SLC30A7: variants seen among roughly 807,000 people sequenced by gnomAD.
The protein encoded by SLC30A7 is zinc transporter 7.
A neutral mutation model predicts 46.0 loss-of-function variants in SLC30A7; 35 were observed. That is an observed-to-expected ratio of 0.76 (90% CI 0.58 to 1.01). The LOEUF (loss-of-function observed/expected upper bound fraction) is 1.01. Among genes scored for constraint, SLC30A7 ranks in the 50% least tolerant of loss-of-function variants. The pLI, the probability that SLC30A7 is intolerant of heterozygous loss-of-function variation, is 0.00. For synonymous variants in SLC30A7, 147 were observed against 157.8 expected (o/e 0.93, Z 0.51); for missense variants, 464 against 451.1 (o/e 1.03, Z -0.26).
intron 3 of SLC30A7, among the ~76,000 whole-genome samples, chr1:100,909,999 C>T (rs1253166276): frequency 3.3e-5 from 5 of 151,942 alleles, no homozygotes; most frequent in Admixed American, 1.3e-4. Context: ...ACAAGTAATA[C>T]GTTATTTGGA....
chr1:100,914,863 C>T (rs983322499), intron 6 of SLC30A7, among the ~76,000 whole-genome samples: 3 of 151,748 alleles, frequency 2.0e-5, no homozygotes, highest in African/African-American at 4.8e-5. Context: ...ACCCAGGAGG[C>T]GGAGGTTGCA....
At chr1:100,939,496 CAG>C (rs1468630680) in intron 8 of SLC30A7, among the ~76,000 whole-genome samples, 2 of 151,944 alleles carry the variant, frequency 1.3e-5, no homozygotes, top group African/African-American at 4.8e-5. Flanking sequence ...TTAAAAAACA[CAG>C]AAGTCGACTC....
At chr1:100,992,559 A>C in the SLC30A7 span, 1 of 981,010 alleles carries the variant, frequency 1.0e-6, no homozygotes, top group Non-Finnish European at 1.6e-6. Flanking sequence ...CCATAGTGGT[A>C]TGAGATATTA....
intron 8 of SLC30A7, among the ~76,000 whole-genome samples, chr1:100,937,682 G>A (rs987974039): frequency 2.6e-5 from 4 of 152,046 alleles, no homozygotes; most frequent in African/African-American, 9.7e-5. Context: ...TGAATTGTGG[G>A]TGTTCTTTAT....
chr1:100,907,855 G>A (rs1651781047), intron 3 of SLC30A7, among the ~76,000 whole-genome samples: 1 of 151,508 alleles, frequency 6.6e-6, no homozygotes, highest in Non-Finnish European at 1.5e-5. Flanking sequence ...TCCTTCTCTT[G>A]TCTTTGCTTC....
intron 8 of SLC30A7, among the ~76,000 whole-genome samples, chr1:100,950,342 G>A (rs544940189): frequency 2.6e-5 from 4 of 152,286 alleles, no homozygotes; most frequent in Admixed American, 2.6e-4. Flanking sequence ...TATTCTCACA[G>A]TGTTATTTAA....
At chr1:100,964,865 T>C (rs1402405130) in intron 9 of SLC30A7, among the ~76,000 whole-genome samples, 2 of 152,172 alleles carry the variant, frequency 1.3e-5, no homozygotes, top group African/African-American at 4.8e-5. Flanking sequence ...GAAGAAAAAG[T>C]ACACCTTGAT....
intron 3 of SLC30A7, among the ~76,000 whole-genome samples, chr1:100,909,378 A>G (rs1651929547): frequency 6.6e-6 from 1 of 152,154 alleles, no homozygotes; most frequent in South Asian, 2.1e-4. Flanking sequence ...TATTTTTTAA[A>G]GAGCAAAGAC....
chr1:100,921,305 T>C (rs1162108361), intron 7 of SLC30A7, among the ~76,000 whole-genome samples: 3 of 152,140 alleles, frequency 2.0e-5, no homozygotes, highest in African/African-American at 4.8e-5. Context: ...TGTATGTACG[T>C]ATATCTATAG....
rs77843176 is a variant in SLC30A7, at chr1:100,929,408, G to T, written c.842+7567G>T. Among the ~76,000 whole-genome samples, 124 of 152,116 alleles carry T rather than the reference G, an allele frequency of 8.2e-4. 3 individuals are homozygous for T. In the East Asian group the frequency reaches 0.018, roughly 22 times the overall value. On this transcript the variant is annotated intron_variant, in intron 8 of 10. Coordinates refer to ENST00000357650, the MANE Select transcript of SLC30A7 (RefSeq NM_133496.5). ...ATGTACACCTGATAAAGAACTATTT[G>T]CAAGGAGATCACTCTGAGATGTTTT...
chr1:100,929,177 T>G (rs1653514338), intron 8 of SLC30A7, among the ~76,000 whole-genome samples: 2 of 152,052 alleles, frequency 1.3e-5, no homozygotes, highest in Admixed American at 6.6e-5. Flanking sequence ...TTTCCCAGAA[T>G]GTTAATTGGC....
chr1:100,905,642 CT>C (rs1477254565), intron 2 of SLC30A7, among the ~76,000 whole-genome samples: 5 of 152,002 alleles, frequency 3.3e-5, no homozygotes, highest in African/African-American at 1.2e-4. Flanking sequence ...TGTTTAACTT[CT>C]TTTGACCTAA....
chr1:100,900,375 G>C (rs944656635), intron 2 of SLC30A7, among the ~76,000 whole-genome samples: 1 of 152,116 alleles, frequency 6.6e-6, no homozygotes, highest in African/African-American at 2.4e-5. Flanking sequence ...ACATTTATTT[G>C]GTTCTACTTC....
At chr1:100,973,001 A>G (rs983623404) in intron 10 of SLC30A7, among the ~76,000 whole-genome samples, 6 of 151,854 alleles carry the variant, frequency 4.0e-5, no homozygotes, top group Non-Finnish European at 8.8e-5. Flanking sequence ...TGAGGAGAGG[A>G]TGCTATTAAA....
chr1:100,945,242 T>G (rs1365308628), intron 8 of SLC30A7, among the ~76,000 whole-genome samples: 1 of 152,230 alleles, frequency 6.6e-6, no homozygotes, highest in East Asian at 1.9e-4. Flanking sequence ...AGGTTGCCTG[T>G]TCACTCTGAC....
chr1:100,963,344 G>A (rs905561809), intron 9 of SLC30A7, among the ~76,000 whole-genome samples: 1 of 152,150 alleles, frequency 6.6e-6, no homozygotes, highest in Non-Finnish European at 1.5e-5. Flanking sequence ...GAAGAAGGAG[G>A]AAGTAATTAA....
the SLC30A7 span, chr1:100,990,344 C>A: frequency 6.9e-7 from 1 of 1,450,902 alleles, no homozygotes; most frequent in East Asian, 2.3e-5. Context: ...GGTGGGGATA[C>A]ATCCAAACCA....
intron 2 of SLC30A7, among the ~76,000 whole-genome samples, chr1:100,903,158 G>A (rs546970303): frequency 7.2e-5 from 11 of 152,060 alleles, no homozygotes; most frequent in African/African-American, 2.6e-4. Flanking sequence ...TCCCAAAATT[G>A]ACTTTTAAAT....
intron 8 of SLC30A7, among the ~76,000 whole-genome samples, chr1:100,939,814 A>C (rs1016384260): frequency 6.6e-6 from 1 of 151,470 alleles, no homozygotes; most frequent in Non-Finnish European, 1.5e-5. Flanking sequence ...GTGCCACTGC[A>C]CTCCAGCCTG....
Sources: allele counts gnomAD v4.1 joint callset (sites outside exome capture counted in the v4.1 genomes callset), GRCh38; gene constraint gnomAD v4.1.1; transcripts MANE v1.5; gene names NCBI Gene and HGNC (gene_info 2026-07-23, HGNC 2026-07-21).